PPARGC1A: variants seen among roughly 807,000 people sequenced by gnomAD.
PPARGC1A encodes peroxisome proliferator-activated receptor gamma coactivator 1-alpha.
Under a neutral mutation model 88.7 loss-of-function variants are expected in PPARGC1A, and 25 were observed. The observed-to-expected ratio is 0.28, with a 90% CI of 0.21 to 0.39. PPARGC1A has a LOEUF of 0.39. PPARGC1A is among the 10% of genes least tolerant of loss of function. The pLI, the probability that PPARGC1A is intolerant of heterozygous loss-of-function variation, is 1.00. For synonymous variants in PPARGC1A, 363 were observed against 355.6 expected, an observed-to-expected ratio of 1.02 and a Z score of -0.24; for missense variants, 880 against 968.7, an observed-to-expected ratio of 0.91 and a Z score of 1.22.
At chr4:24,160,457 T>C in the PPARGC1A span, among the ~76,000 whole-genome samples, 2 of 152,194 alleles carry the variant, frequency 1.3e-5, no homozygotes, top group Admixed American at 6.5e-5. Flanking sequence ...GTATTCTGAA[T>C]AGAGCATCAA....
the PPARGC1A span, among the ~76,000 whole-genome samples, chr4:24,160,619 C>G: frequency 6.6e-6 from 1 of 152,178 alleles, no homozygotes; most frequent in Non-Finnish European, 1.5e-5. Context: ...CATCTCAACT[C>G]AGCTGTTTCA....
intron 2 of PPARGC1A, among the ~76,000 whole-genome samples, chr4:23,859,726 A>G (rs1730871490): frequency 6.6e-6 from 1 of 151,840 alleles, no homozygotes; most frequent in African/African-American, 2.4e-5. Flanking sequence ...GCTTGCAGTG[A>G]GCCGAGATGG....
At chr4:24,442,115 T>A in the PPARGC1A span, among the ~76,000 whole-genome samples, 1 of 152,138 alleles carries the variant, frequency 6.6e-6, no homozygotes, top group African/African-American at 2.4e-5. Flanking sequence ...CAAAGTTAAC[T>A]GAAATAGACT....
At chr4:23,843,069 A>T (rs528953842) in intron 2 of PPARGC1A, among the ~76,000 whole-genome samples, 6 of 152,134 alleles carry the variant, frequency 3.9e-5, no homozygotes, top group African/African-American at 1.4e-4. Flanking sequence ...TGTTTTTGGC[A>T]GTCCTAAGGC....
chr4:24,107,881 G>A, the PPARGC1A span, among the ~76,000 whole-genome samples: 3 of 152,190 alleles, frequency 2.0e-5, no homozygotes, highest in African/African-American at 7.2e-5. Flanking sequence ...GTCAATTGTA[G>A]ATGCTGCATA....
the PPARGC1A span, among the ~76,000 whole-genome samples, chr4:24,047,008 A>G: frequency 7.2e-5 from 11 of 152,080 alleles, no homozygotes; most frequent in African/African-American, 2.7e-4. Flanking sequence ...GTGGTTGTTG[A>G]TCACAGCTGC....
At chr4:24,038,093 A>T in the PPARGC1A span, among the ~76,000 whole-genome samples, 1 of 152,182 alleles carries the variant, frequency 6.6e-6, no homozygotes, top group Non-Finnish European at 1.5e-5. Flanking sequence ...TCAGCCCCCA[A>T]CTTGCCCTCT....
At chr4:23,887,076 A>T in intron 1 of PPARGC1A, among the ~76,000 whole-genome samples, 1 of 152,098 alleles carries the variant, frequency 6.6e-6, no homozygotes. Context: ...TAACCCTTTA[A>T]CCTTCCATAA....
At chr4:24,353,196 T>C in the PPARGC1A span, among the ~76,000 whole-genome samples, 1 of 151,830 alleles carries the variant, frequency 6.6e-6, no homozygotes, top group Admixed American at 6.6e-5. Context: ...ATCAATCTTT[T>C]TTTTTTTTTT....
At chr4:24,466,211 TC>T in the PPARGC1A span, among the ~76,000 whole-genome samples, 3 of 152,148 alleles carry the variant, frequency 2.0e-5, no homozygotes, top group Non-Finnish European at 4.4e-5. Flanking sequence ...AGAGACAACT[TC>T]ACCTCGTTCA....
At chr4:24,170,683 C>A in the PPARGC1A span, among the ~76,000 whole-genome samples, 9 of 152,142 alleles carry the variant, frequency 5.9e-5, no homozygotes, top group Non-Finnish European at 1.2e-4. Flanking sequence ...CCATTTGGTA[C>A]GGAACAACCA....
chr4:24,297,632 CA>C, the PPARGC1A span, among the ~76,000 whole-genome samples: 1 of 152,016 alleles, frequency 6.6e-6, no homozygotes, highest in Non-Finnish European at 1.5e-5. Flanking sequence ...TTGCAGGAAC[CA>C]AAAAATAACA....
chr4:23,889,437 CAG>C (rs942576068), intron 1 of PPARGC1A: 14 of 933,686 alleles, frequency 1.5e-5, no homozygotes, highest in African/African-American at 1.8e-5. Context: ...GTCTGATGAA[CAG>C]AGAGAGAGGG....
At chr4:23,924,132 G>A in the PPARGC1A span, among the ~76,000 whole-genome samples, 1 of 152,200 alleles carries the variant, frequency 6.6e-6, no homozygotes, top group Admixed American at 6.5e-5. Flanking sequence ...AGTCACAGGA[G>A]ATTGGCTTGG....
chr4:24,366,474 T>C, the PPARGC1A span, among the ~76,000 whole-genome samples: 3 of 152,326 alleles, frequency 2.0e-5, no homozygotes, highest in South Asian at 2.1e-4. Flanking sequence ...GAAAAGAAGT[T>C]TGCTGTCTGT....
At chr4:24,133,006 A>G in the PPARGC1A span, among the ~76,000 whole-genome samples, 1 of 152,198 alleles carries the variant, frequency 6.6e-6, no homozygotes, top group African/African-American at 2.4e-5. Context: ...GTCAAGTGAC[A>G]GGTTTTTGAG....
At chr4:23,811,479 T>C (rs1288740788) in intron 10 of PPARGC1A, among the ~76,000 whole-genome samples, 1 of 152,170 alleles carries the variant, frequency 6.6e-6, no homozygotes, top group Non-Finnish European at 1.5e-5. Context: ...CATGGCTCCC[T>C]AGAGCATCAT....
At chr4:24,143,544 A>G in the PPARGC1A span, among the ~76,000 whole-genome samples, 1 of 152,202 alleles carries the variant, frequency 6.6e-6, no homozygotes, top group African/African-American at 2.4e-5. Context: ...GTATACGACG[A>G]TATGAATATA....
chr4:23,814,482 C>T lies in PPARGC1A; in HGVS notation c.1001G>A (p.Ser334Asn). 1.2e-6 allele frequency: 2 copies of T among 1,613,752 alleles called. No homozygotes were observed. Among genetic ancestry groups the T allele is most frequent in the South Asian group, 2.2e-5 (2 of 91,046 alleles). ...ATTGCCTTGTGTACCAGAAGACTCA[C>T]TGTACCTGGGCTTCTTTGATGGTGG... ...VPPPSKKPRY[S>N]ESSGTQGNNS... The change falls in exon 8 of 13, where the codon AGT becomes AAT. Residue 334 changes from serine (S) to asparagine (N), a missense_variant. By Grantham distance (46) the Ser-to-Asn change is conservative. Coordinates refer to ENST00000264867, the MANE Select transcript of PPARGC1A (RefSeq NM_013261.5).
Sources: gnomAD v4.1 joint callset for allele counts (sites outside exome capture counted in the v4.1 genomes callset) on GRCh38, gnomAD v4.1.1 for gene constraint, MANE v1.5 for transcripts, NCBI Gene and HGNC (gene_info 2026-07-23, HGNC 2026-07-21) for gene names.